The following PRKAB2 variants were observed in gnomAD, a reference collection of about 807,000 sequenced individuals.
The protein encoded by PRKAB2 is 5'-AMP-activated protein kinase subunit beta-2.
In PRKAB2, 18 loss-of-function variants were observed where a neutral mutation model predicts 29.8. The ratio of observed to expected loss-of-function variants is 0.60; its 90% CI spans 0.42 to 0.89. The LOEUF (loss-of-function observed/expected upper bound fraction) is 0.89. PRKAB2 is among the 40% of genes least tolerant of loss of function. The pLI, the probability that PRKAB2 is intolerant of heterozygous loss-of-function variation, is 0.00. For synonymous variants in PRKAB2, 136 were observed against 125.9 expected (o/e 1.08, Z -0.54); for missense variants, 270 against 344.3 (o/e 0.78, Z 1.71).
At chr1:147,165,099 C>T (rs1268506988) in intron 5 of PRKAB2, among the ~76,000 whole-genome samples, 1 of 152,204 alleles carries the variant, frequency 6.6e-6, no homozygotes, top group African/African-American at 2.4e-5. Context: ...GATCTCAGCT[C>T]ACTGCAAGCT....
intron 2 of PRKAB2, among the ~76,000 whole-genome samples, chr1:147,171,465 TA>T (rs1298071018): frequency 2.0e-5 from 3 of 152,262 alleles, no homozygotes; most frequent in African/African-American, 7.2e-5. Flanking sequence ...AATAAGCAAG[TA>T]GTTGCTGCTT....
At position 147,161,149 on chromosome 1, in the gene PRKAB2, A is replaced by G. The variant is rs749863473; in HGVS notation, c.741+563T>C. Among the ~76,000 whole-genome samples, 391 of 152,294 alleles carry G rather than the reference A, an allele frequency of 2.6e-3. 4 individuals carry two copies. The highest frequency in any genetic ancestry group is 4.4e-3 in the Non-Finnish European group (297 of 68,022). Reference sequence around the variant, plus strand: ...ATTCCAATAGCCAAACCACAAAGACATAACAAGACAGAACAGAATGGCTAT... The same window carrying G: ...ATTCCAATAGCCAAACCACAAAGACGTAACAAGACAGAACAGAATGGCTAT... On this transcript the variant is annotated intron_variant, in intron 7 of 7. Transcript: ENST00000254101.
In PRKAB2 at chr1:147,155,645, CAT is replaced by C. The variant is rs1240057002; in HGVS notation, c.*3918_*3919del. 1 of 152,470 alleles carries C rather than the reference CAT, an allele frequency of 6.6e-6. No individual in the cohort carries two copies. 9.4% of individuals were successfully genotyped at this position (152,470 alleles called of 1,614,324 possible). On this transcript the variant is annotated 3_prime_UTR_variant, in exon 8 of 8. Transcript: ENST00000254101. ...CATTTAACCTGACACCTACAAAATCCATAGTGTTTAGTATTTCACACCAATCT... is the reference window on the plus strand; with the variant it reads ...CATTTAACCTGACACCTACAAAATCCAGTGTTTAGTATTTCACACCAATCT...
Position 147,162,509 on chromosome 1 carries a change from T to C in PRKAB2, c.603A>G (p.Arg201=). 1 of 1,612,130 alleles carries C rather than the reference T, an allele frequency of 6.2e-7. No individual in the cohort carries two copies. The highest frequency in any genetic ancestry group is 8.5e-7 in the Non-Finnish European group (1 of 1,178,320). ...GAGGAAGGATGGGTGGGGATTTGAA[T>C]CTTTCCTCAGATCGAAACGCATACA... The part of the protein sequence containing the change: ...QEMYAFRSEE[R]FKSPPILPPH... Residue 201 remains arginine, a synonymous_variant, in exon 6 of 8, where the codon AGA becomes AGG. Transcript: ENST00000254101.
intron 6 of PRKAB2, 83 bp downstream of exon 6, chr1:147,162,357 A>G: frequency 7.2e-7 from 1 of 1,391,016 alleles, no homozygotes; most frequent in Non-Finnish European, 9.8e-7. Flanking sequence ...CTCTGTAGTA[A>G]TCCTAACCTC....
chr1:147,165,755 C>T (rs587675535), intron 5 of PRKAB2, among the ~76,000 whole-genome samples: 130 of 150,606 alleles, frequency 8.6e-4, no homozygotes, highest in African/African-American at 3.1e-3. Context: ...CAAAAATTTA[C>T]AAAATTTCAA....
intron 5 of PRKAB2, 109 bp downstream of exon 5, chr1:147,166,389 C>T: frequency 8.1e-7 from 1 of 1,235,754 alleles, no homozygotes. Flanking sequence ...CTCCTCCCCC[C>T]AACCCCCTGC....
intron 5 of PRKAB2, among the ~76,000 whole-genome samples, chr1:147,166,293 G>C (rs1011901689): frequency 6.6e-6 from 1 of 152,162 alleles, no homozygotes; most frequent in African/African-American, 2.4e-5. Context: ...ATTGTATCAT[G>C]AGACTTGTGT....
chr1:147,169,921 TTC>T (rs782798628), intron 2 of PRKAB2, among the ~76,000 whole-genome samples: 9 of 152,226 alleles, frequency 5.9e-5, no homozygotes, highest in Admixed American at 3.9e-4. Context: ...CTGCCACTGT[TTC>T]TGTCAGTTAC....
intron 5 of PRKAB2, among the ~76,000 whole-genome samples, chr1:147,165,056 C>T (rs974505567): frequency 2.0e-5 from 3 of 152,188 alleles, no homozygotes; most frequent in Non-Finnish European, 4.4e-5. Flanking sequence ...ATAATAGTCT[C>T]GCTCTGTCGC....
rs782710083 is a variant in PRKAB2 at position 147,172,174 on chromosome 1, CG to C, written c.-23-8del. 3 of 1,528,654 alleles carry C rather than the reference CG, an allele frequency of 2.0e-6. No homozygotes were observed. The highest frequency in any genetic ancestry group is 2.0e-5 in the Admixed American group (1 of 49,848). 94.7% of individuals were successfully genotyped at this position (1,528,654 alleles called of 1,614,324 possible). A position where few individuals can be genotyped will look rare whatever the true frequency, so the allele number is the denominator to read the frequency against. On this transcript the variant is annotated splice_region_variant and splice_polypyrimidine_tract_variant and intron_variant, in intron 1 of 7. Coordinates refer to ENST00000254101, the MANE Select transcript of PRKAB2 (RefSeq NM_005399.5). ...GCAGCTCGTCGGGGACCACCTACCG[CG>C]GGGAACGACACCGGGCTGGGAACAC...
At chr1:147,165,221 T>C (rs1654182001) in intron 5 of PRKAB2, among the ~76,000 whole-genome samples, 1 of 152,100 alleles carries the variant, frequency 6.6e-6, no homozygotes, top group Admixed American at 6.5e-5. Flanking sequence ...AGAGATGAGG[T>C]TTCACCGTGT....
Position 147,161,796 on chromosome 1 carries a change from A to C in PRKAB2, c.673-16T>G. 1 of 1,569,402 alleles carries C rather than the reference A, an allele frequency of 6.4e-7. No homozygotes were observed. On this transcript the variant is annotated splice_polypyrimidine_tract_variant and intron_variant, in intron 6 of 7. Coordinates refer to ENST00000254101, the MANE Select transcript of PRKAB2 (RefSeq NM_005399.5). ...CTGGGTCACACTAAGAGAAAGAGAA[A>C]AAAATTACTAAAAAAATTACTAAAT...
At chr1:147,171,400 A>G (rs907754998) in intron 2 of PRKAB2, among the ~76,000 whole-genome samples, 1 of 152,238 alleles carries the variant, frequency 6.6e-6, no homozygotes, top group Non-Finnish European at 1.5e-5. Context: ...ACAAAAATTA[A>G]GCAGTCAACT....
rs1267431924 is a variant in PRKAB2 at position 147,157,494 on chromosome 1, C to T, written c.*2071G>A. The T allele has an allele frequency of 8.5e-5, 13 of 152,240 alleles. No individual in the cohort carries two copies. The highest frequency in any genetic ancestry group is 4.8e-5 in the African/African-American group (2 of 41,548). 9.4% of individuals were successfully genotyped at this position (152,240 alleles called of 1,614,324 possible). ...CAAAAGCCTCAGGCCTGAAAGAAATCGAAGAGATCTCTTTTCCTGCCCCAC... is the reference window on the plus strand; with the variant it reads ...CAAAAGCCTCAGGCCTGAAAGAAATTGAAGAGATCTCTTTTCCTGCCCCAC... On this transcript the variant is annotated 3_prime_UTR_variant, in exon 8 of 8. Coordinates refer to ENST00000254101, the MANE Select transcript of PRKAB2 (RefSeq NM_005399.5).
Position 147,172,042 on chromosome 1 carries a change from T to G in PRKAB2, c.103A>C (p.Ile35Leu). 2 of 1,591,748 alleles carry G rather than the reference T, an allele frequency of 1.3e-6. No individual in the cohort carries two copies. Among genetic ancestry groups the G allele is most frequent in the Non-Finnish European group, 1.7e-6 (2 of 1,169,936 alleles). ...GGHAPGKEHK[I>L]MVGSTDDPSV... ...GGGTCGTCCGTACTCCCCACCATGA[T>G]CTTGTGCTCCTTCCCCGGGGCATGG... Residue 35 changes from isoleucine (I) to leucine (L), a missense_variant, in exon 2 of 8, where the codon ATC becomes CTC. By Grantham distance (5) the Ile-to-Leu change is conservative. Around this residue, in one of 2 missense-constraint regions of PRKAB2, gnomAD observed 228 missense variants for 255.5 expected, o/e 0.89. Transcript: ENST00000254101.
intron 6 of PRKAB2, 148 bp downstream of exon 6, chr1:147,162,291 GA>G: frequency 1.3e-6 from 1 of 778,160 alleles, no homozygotes. Context: ...CTCACCACTG[GA>G]AAAAGGAAAT....
intron 2 of PRKAB2, among the ~76,000 whole-genome samples, chr1:147,169,674 G>A (rs1241211624): frequency 1.3e-5 from 2 of 152,142 alleles, no homozygotes; most frequent in African/African-American, 4.8e-5. Context: ...AATAACTAGT[G>A]GGAGAATAGT....
chr1:147,166,726 CG>C, intron 4 of PRKAB2, 108 bp from the exon 5 acceptor site: 1 of 1,554,618 alleles, frequency 6.4e-7, no homozygotes, highest in Non-Finnish European at 8.8e-7. Flanking sequence ...AGCACCTCCA[CG>C]TTTTATCAAG....
Sources: gnomAD v4.1 joint callset for allele counts (sites outside exome capture counted in the v4.1 genomes callset) on GRCh38, gnomAD v4.1.1 for gene constraint, gnomAD v4.1.1 regional missense constraint, MANE v1.5 for transcripts, NCBI Gene and HGNC (gene_info 2026-07-23, HGNC 2026-07-21) for gene names.